The following XKR4 variants were observed in gnomAD, a reference collection of about 807,000 sequenced individuals.
The protein encoded by XKR4 is XK related 4.
In XKR4, 12 loss-of-function variants were observed where a neutral mutation model predicts 53.9. That is an observed-to-expected ratio of 0.22 (90% CI 0.14 to 0.36). XKR4 has a LOEUF of 0.36. Ranked by LOEUF, XKR4 falls within the 10% of genes least tolerant of loss-of-function variation. XKR4 has a pLI of 1.00. For missense variants in XKR4, 799 were observed against 859.5 expected (o/e 0.93, Z 0.88); for synonymous variants, 354 against 362.4 (o/e 0.98, Z 0.26).
rs1388572539 is a variant in XKR4 at position 55,210,996 on chromosome 8, C to G, written c.806+107702C>G. Among the ~76,000 whole-genome samples, 3 of 152,130 alleles carry G rather than the reference C, an allele frequency of 2.0e-5. No homozygotes were observed. In the East Asian group the frequency reaches 5.8e-4, roughly 29 times the overall value. The stretch of plus-strand genomic sequence containing the variant: ...TTGTGGGCTTGTCTGGGCAAGTATC[C>G]TGTGTAGTCTTTCTTAGCTATGCAG... On this transcript the variant is annotated intron_variant, in intron 1 of 2. Transcript: ENST00000327381.
chr8:55,248,135 G>A (rs188179003), intron 1 of XKR4, among the ~76,000 whole-genome samples: 5 of 152,054 alleles, frequency 3.3e-5, no homozygotes, highest in East Asian at 3.9e-4. Context: ...GATTACAGGC[G>A]TGAGCCACCA....
intron 2 of XKR4, among the ~76,000 whole-genome samples, chr8:55,403,781 C>T (rs1804644425): frequency 1.3e-5 from 2 of 152,194 alleles, no homozygotes; most frequent in Admixed American, 6.5e-5. Flanking sequence ...CTTTTCCTCC[C>T]TCTCTCCCTC....
chr8:55,163,502 G>A (rs1486374110), intron 1 of XKR4, among the ~76,000 whole-genome samples: 5 of 151,928 alleles, frequency 3.3e-5, no homozygotes, highest in African/African-American at 1.2e-4. Context: ...GTGTTTTTTT[G>A]TTCCATAGCT....
chr8:55,325,542 G>A (rs559267860), intron 1 of XKR4, among the ~76,000 whole-genome samples: 1 of 152,148 alleles, frequency 6.6e-6, no homozygotes, highest in Non-Finnish European at 1.5e-5. Context: ...ACTCTTAAAT[G>A]TCTCCTTTGA....
At chr8:55,198,160 C>G (rs1817529702) in intron 1 of XKR4, among the ~76,000 whole-genome samples, 1 of 152,224 alleles carries the variant, frequency 6.6e-6, no homozygotes, top group Non-Finnish European at 1.5e-5. Context: ...GGGCAGAATT[C>G]CTCTGCCTGT....
chr8:55,328,079 A>G (rs1314328489), intron 1 of XKR4, among the ~76,000 whole-genome samples: 2 of 152,218 alleles, frequency 1.3e-5, no homozygotes, highest in Admixed American at 6.5e-5. Flanking sequence ...CCAGATGCTT[A>G]TAAAACCATC....
At chr8:55,514,570 T>C (rs979308333) in intron 2 of XKR4, among the ~76,000 whole-genome samples, 1 of 152,178 alleles carries the variant, frequency 6.6e-6, no homozygotes, top group African/African-American at 2.4e-5. Flanking sequence ...TCTAGCCATG[T>C]CATTCATGGA....
chr8:55,487,798 T>A (rs988866705), intron 2 of XKR4, among the ~76,000 whole-genome samples: 1 of 152,186 alleles, frequency 6.6e-6, no homozygotes, highest in Non-Finnish European at 1.5e-5. Flanking sequence ...AAATGACACC[T>A]AAAATTAAAT....
intron 2 of XKR4, among the ~76,000 whole-genome samples, chr8:55,472,773 C>T (rs551064584): frequency 6.6e-6 from 1 of 152,158 alleles, no homozygotes; most frequent in South Asian, 2.1e-4. Flanking sequence ...GGCTGATCAC[C>T]TCAAGAAGAT....
chr8:55,274,984 A>G (rs1334370919), intron 1 of XKR4, among the ~76,000 whole-genome samples: 1 of 152,230 alleles, frequency 6.6e-6, no homozygotes, highest in Non-Finnish European at 1.5e-5. Flanking sequence ...ATCTGGGATT[A>G]CATCTTATTT....
intron 2 of XKR4, among the ~76,000 whole-genome samples, chr8:55,429,457 C>A (rs1275724976): frequency 6.6e-6 from 1 of 151,864 alleles, no homozygotes; most frequent in Non-Finnish European, 1.5e-5. Flanking sequence ...TGCCTGTAAT[C>A]CCAGAACTTT....
At chr8:55,428,635 C>A (rs1392121003) in intron 2 of XKR4, among the ~76,000 whole-genome samples, 1 of 152,218 alleles carries the variant, frequency 6.6e-6, no homozygotes, top group African/African-American at 2.4e-5. Flanking sequence ...CCCCGTGTGT[C>A]ACATGAGACT....
chr8:55,458,958 C>T (rs1030447671), intron 2 of XKR4, among the ~76,000 whole-genome samples: 2 of 152,204 alleles, frequency 1.3e-5, no homozygotes, highest in Non-Finnish European at 2.9e-5. Context: ...GGAGACCTCA[C>T]CAGCGACCCC....
chr8:55,189,432 C>T (rs1817416795), intron 1 of XKR4, among the ~76,000 whole-genome samples: 2 of 152,144 alleles, frequency 1.3e-5, no homozygotes, highest in African/African-American at 4.8e-5. Flanking sequence ...GGGAATGTCA[C>T]AGAGTGCACT....
chr8:55,432,741 A>G (rs1441533219), intron 2 of XKR4, among the ~76,000 whole-genome samples: 1 of 151,980 alleles, frequency 6.6e-6, no homozygotes, highest in Non-Finnish European at 1.5e-5. Context: ...GCCTTCCTGA[A>G]CCTTATTTTC....
chr8:55,296,284 G>C (rs1267731851), intron 1 of XKR4, among the ~76,000 whole-genome samples: 1 of 152,148 alleles, frequency 6.6e-6, no homozygotes, highest in Non-Finnish European at 1.5e-5. Context: ...CCCTGGTTTA[G>C]AAGTTAGTCA....
At chr8:55,441,862 T>A (rs1277167562) in intron 2 of XKR4, among the ~76,000 whole-genome samples, 1 of 151,998 alleles carries the variant, frequency 6.6e-6, no homozygotes, top group African/African-American at 2.4e-5. Context: ...AAACAGTGTT[T>A]AGAAGAAAAC....
intron 2 of XKR4, among the ~76,000 whole-genome samples, chr8:55,406,866 T>C (rs925355171): frequency 1.2e-4 from 18 of 152,238 alleles, no homozygotes; most frequent in African/African-American, 3.9e-4. Context: ...TTTACTTCTT[T>C]AGAGAGTCAG....
chr8:55,266,601 G>A (rs1299643075), intron 1 of XKR4, among the ~76,000 whole-genome samples: 1 of 152,130 alleles, frequency 6.6e-6, no homozygotes, highest in Non-Finnish European at 1.5e-5. Context: ...AATACAAGAT[G>A]TACATGGAGA....
Sources: gnomAD v4.1 joint callset for allele counts (sites outside exome capture counted in the v4.1 genomes callset) on GRCh38, gnomAD v4.1.1 for gene constraint, MANE v1.5 for transcripts, NCBI Gene and HGNC (gene_info 2026-07-23, HGNC 2026-07-21) for gene names.